Variants in HECW2 observed in about 807,000 individuals in gnomAD.
The protein encoded by HECW2 is HECT, C2 and WW domain containing E3 ubiquitin protein ligase 2, also known as E3 ubiquitin-protein ligase HECW2.
A neutral mutation model predicts 175.2 loss-of-function variants in HECW2; 61 were observed. The observed-to-expected ratio is 0.35, with a 90% CI of 0.28 to 0.43. The LOEUF (loss-of-function observed/expected upper bound fraction) is 0.43, where lower values mean the gene tolerates loss of function less well. Ranked by LOEUF, HECW2 falls within the 20% of genes least tolerant of loss-of-function variation. The probability of loss-of-function intolerance (pLI) is 1.00; values close to 1 mark genes in which losing one functional copy is unlikely to be tolerated. For missense variants in HECW2, 1,524 were observed against 2,000.5 expected, an observed-to-expected ratio of 0.76 and a Z score of 4.54; for synonymous variants, 671 against 731.0, an observed-to-expected ratio of 0.92 and a Z score of 1.32.
chr2:196,250,343 A>G (rs1688809976), intron 19 of HECW2, among the ~76,000 whole-genome samples: 1 of 151,712 alleles, frequency 6.6e-6, no homozygotes, highest in Non-Finnish European at 1.5e-5. Context: ...AATGGTTCAA[A>G]TGTGAACAAA....
chr2:196,391,782 TTAGCAAGCCATCCTCCCTCCAAAGGCTC>T (rs1694517876), intron 2 of HECW2, among the ~76,000 whole-genome samples: 2 of 152,194 alleles, frequency 1.3e-5, no homozygotes, highest in Admixed American at 1.3e-4. Flanking sequence ...AATCAAGGTG[TTAGCAAGCCATCCTCCCTCCAAAGGCTC>T]TAGGGAAGAA....
chr2:196,282,654 G>A (rs183462215), intron 14 of HECW2, among the ~76,000 whole-genome samples: 1 of 152,342 alleles, frequency 6.6e-6, no homozygotes, highest in Admixed American at 6.5e-5. Flanking sequence ...TCTGGGTTAT[G>A]ATAACGATTG....
At chr2:196,399,267 T>C (rs920382379) in intron 2 of HECW2, among the ~76,000 whole-genome samples, 2 of 86,486 alleles carry the variant, frequency 2.3e-5, no homozygotes, top group Non-Finnish European at 6.0e-5. Flanking sequence ...TCAAGTTACA[T>C]TAAGTTATTC....
intron 1 of HECW2, among the ~76,000 whole-genome samples, chr2:196,473,793 A>G (rs1697311725): frequency 6.6e-6 from 1 of 152,260 alleles, no homozygotes; most frequent in South Asian, 2.1e-4. Flanking sequence ...ACGTGGGAAC[A>G]GGACACAATC....
At chr2:196,533,548 C>T (rs1390016556) in intron 1 of HECW2, among the ~76,000 whole-genome samples, 2 of 152,120 alleles carry the variant, frequency 1.3e-5, no homozygotes, top group Non-Finnish European at 2.9e-5. Flanking sequence ...TTGCAGGCTG[C>T]AGGATGGAAG....
chr2:196,568,690 T>C (rs1559179976), intron 1 of HECW2, among the ~76,000 whole-genome samples: 1 of 152,190 alleles, frequency 6.6e-6, no homozygotes, highest in Non-Finnish European at 1.5e-5. Flanking sequence ...CTTGCAATGC[T>C]GGGTAGTGCG....
intron 2 of HECW2, among the ~76,000 whole-genome samples, chr2:196,415,099 C>G (rs1018582672): frequency 6.6e-6 from 1 of 152,098 alleles, no homozygotes; most frequent in South Asian, 2.1e-4. Flanking sequence ...TTCTCATGAC[C>G]CTTACCTGGC....
At chr2:196,487,552 C>G (rs754282957) in intron 1 of HECW2, among the ~76,000 whole-genome samples, 1 of 152,110 alleles carries the variant, frequency 6.6e-6, no homozygotes, top group African/African-American at 2.4e-5. Context: ...AACCACACCC[C>G]ACTCTCCAGG....
At chr2:196,510,596 C>CT (rs58696760) in intron 1 of HECW2, among the ~76,000 whole-genome samples, 1 of 150,572 alleles carries the variant, frequency 6.6e-6, no homozygotes, top group Non-Finnish European at 1.5e-5. Context: ...GTTATAATTC[C>CT]TTTTTTTTTT....
At chr2:196,300,005 A>G (rs1174616869) in intron 13 of HECW2, among the ~76,000 whole-genome samples, 1 of 152,174 alleles carries the variant, frequency 6.6e-6, no homozygotes. Context: ...GAAACAATGC[A>G]GCGATGAGGA....
At chr2:196,331,171 G>A (rs930459865) in intron 4 of HECW2, 4 of 985,214 alleles carry the variant, frequency 4.1e-6, no homozygotes, top group Non-Finnish European at 4.8e-6. Flanking sequence ...AACACACCAG[G>A]GTCCATCCAG....
rs755906832 is a variant in HECW2, at chr2:196,343,780, A to G, written c.293-16T>C. 1 of 1,499,700 alleles carries G rather than the reference A, an allele frequency of 6.7e-7. No homozygotes were observed. The highest frequency in any genetic ancestry group is 1.7e-5 in the Admixed American group (1 of 59,710). 92.9% of individuals were successfully genotyped at this position (1,499,700 alleles called of 1,614,324 possible). On this transcript the variant is annotated splice_polypyrimidine_tract_variant and intron_variant, in intron 2 of 28. Transcript: ENST00000644978. ...GAATTCTCATCTAGAAAAACCAAAG[A>G]AACACTTTTCAGATTAATTATAACC...
chr2:196,453,790 C>T lies in HECW2; in HGVS notation c.-35-20332G>A, dbSNP rs1374346163. On this transcript the variant is annotated intron_variant, in intron 1 of 28. Coordinates refer to ENST00000644978, the MANE Select transcript of HECW2 (RefSeq NM_001348768.2). ...CTAGCCCCACCTAATGACAGCACAC[C>T]TAGATTTCTGGAGCAGTTCGGGGAT... 2.6e-5 allele frequency among the ~76,000 whole-genome samples: 4 copies of T among 152,190 alleles called. No homozygotes were observed. The East Asian group carries it at 7.7e-4, about 29-fold the overall frequency.
At chr2:196,380,221 T>C (rs1309544355) in intron 2 of HECW2, among the ~76,000 whole-genome samples, 16 of 152,204 alleles carry the variant, frequency 1.1e-4, no homozygotes, top group Non-Finnish European at 4.4e-5. Flanking sequence ...CCCCCAGCCT[T>C]TGCTGATGGG....
rs148907438 is a variant in HECW2 at position 196,562,754 on chromosome 2, C to A, written c.-36+30754G>T. 6.0e-4 allele frequency among the ~76,000 whole-genome samples: 91 copies of A among 152,264 alleles called. No individual in the cohort carries two copies. The East Asian group carries it at 9.3e-3, about 16-fold the overall frequency. On this transcript the variant is annotated intron_variant, in intron 1 of 28. Coordinates refer to ENST00000644978, the MANE Select transcript of HECW2 (RefSeq NM_001348768.2). ...ATTCGAATCACAAATCAGAAAAGTACCAGCTTTGGCCAGGGTTGGTGGCTC... is the reference window on the plus strand; with the variant it reads ...ATTCGAATCACAAATCAGAAAAGTAACAGCTTTGGCCAGGGTTGGTGGCTC...
intron 1 of HECW2, among the ~76,000 whole-genome samples, chr2:196,564,584 TTA>T (rs1221126175): frequency 6.6e-6 from 1 of 152,170 alleles, no homozygotes; most frequent in Non-Finnish European, 1.5e-5. Flanking sequence ...CAGATGGATC[TTA>T]TGAGTGCTGC....
At position 196,591,279 on chromosome 2, in the gene HECW2, T is replaced by C. The variant is rs113992804; in HGVS notation, c.-36+2229A>G. On this transcript the variant is annotated intron_variant, in intron 1 of 28. Transcript: ENST00000644978. ...CGGCCAAATGGTGGGGATTTGGAAA[T>C]CACCTGTCACGGAGATGGTGAAGGA... Among the ~76,000 whole-genome samples the C allele has an allele frequency of 5.3e-3, 806 of 152,216 alleles. 7 individuals are homozygous for C. Among genetic ancestry groups the C allele is most frequent in the African/African-American group, 0.018 (756 of 41,512 alleles).
chr2:196,250,162 T>G (rs1042858253), intron 19 of HECW2, among the ~76,000 whole-genome samples: 1 of 152,242 alleles, frequency 6.6e-6, no homozygotes, highest in Non-Finnish European at 1.5e-5. Flanking sequence ...CAGCCTTGAC[T>G]GGCACGAGCA....
chr2:196,257,717 A>C (rs984898056), intron 18 of HECW2, 106 bp downstream of exon 18: 3 of 791,128 alleles, frequency 3.8e-6, no homozygotes, highest in South Asian at 1.7e-5. Flanking sequence ...CTAAAGAATA[A>C]GAACAATTTT....
Sources: allele counts gnomAD v4.1 joint callset (sites outside exome capture counted in the v4.1 genomes callset), GRCh38; gene constraint gnomAD v4.1.1; transcripts MANE v1.5; gene names NCBI Gene and HGNC (gene_info 2026-07-23, HGNC 2026-07-21).